Variants in STK3 observed in about 807,000 individuals in gnomAD.
The protein encoded by STK3 is serine/threonine kinase 3, also known as serine/threonine-protein kinase 3.
STK3 carries 41 observed loss-of-function variants against 58.0 expected under a neutral mutation model. The ratio of observed to expected loss-of-function variants is 0.71; its 90% CI spans 0.55 to 0.92. The LOEUF (loss-of-function observed/expected upper bound fraction) is 0.92, where lower values mean the gene tolerates loss of function less well. STK3 is among the 40% of genes least tolerant of loss of function. The pLI is 0.00. For missense variants in STK3, 479 were observed against 602.7 expected (o/e 0.79, Z 2.15); for synonymous variants, 170 against 191.0 (o/e 0.89, Z 0.91).
At chr8:98,670,750 C>T (rs1199283294) in intron 6 of STK3, among the ~76,000 whole-genome samples, 1 of 152,228 alleles carries the variant, frequency 6.6e-6, no homozygotes, top group Non-Finnish European at 1.5e-5. Flanking sequence ...CCAGATCCAG[C>T]CACACTGAGG....
intron 1 of STK3, among the ~76,000 whole-genome samples, chr8:98,809,813 T>C (rs1280542722): frequency 1.3e-5 from 2 of 152,164 alleles, no homozygotes; most frequent in African/African-American, 4.8e-5. Flanking sequence ...CACACAAATA[T>C]CTTGAGACCC....
intron 3 of STK3, among the ~76,000 whole-genome samples, chr8:98,755,164 C>T (rs989529282): frequency 1.5e-4 from 23 of 152,204 alleles, no homozygotes; most frequent in Non-Finnish European, 2.9e-4. Context: ...GCCTCACTAA[C>T]TTTAACCCAG....
At chr8:98,356,789 C>G in the STK3 span, among the ~76,000 whole-genome samples, 1 of 152,168 alleles carries the variant, frequency 6.6e-6, no homozygotes, top group African/African-American at 2.4e-5. Context: ...AACCCCACAG[C>G]TGGAGTCAAT....
In STK3 at chr8:98,432,765, T is replaced by A. The variant is rs1818355008; in HGVS notation, n.483+1362A>T. 5.4e-5 allele frequency: 9 copies of A among 167,068 alleles called. No individual in the cohort carries two copies. In the Admixed American group the frequency reaches 5.9e-4, roughly 11 times the overall value. 10.3% of individuals were successfully genotyped at this position (167,068 alleles called of 1,614,324 possible). ...TGACTTCTTACAGAGCTGTAATTTT[T>A]AAAATTGAGGATGCCATATTTGAGA... On this transcript the variant is annotated intron_variant and non_coding_transcript_variant, in intron 3 of 3. Coordinates refer to the STK3 transcript ENST00000517832.
intron 6 of STK3, among the ~76,000 whole-genome samples, chr8:98,704,787 T>G (rs1004133435): frequency 6.6e-6 from 1 of 152,190 alleles, no homozygotes; most frequent in Admixed American, 6.5e-5. Context: ...ACTATTTGGT[T>G]GGAAAAATAA....
the STK3 span, among the ~76,000 whole-genome samples, chr8:98,351,556 G>C: frequency 6.6e-6 from 1 of 152,096 alleles, no homozygotes; most frequent in Non-Finnish European, 1.5e-5. Flanking sequence ...AGGATATATA[G>C]ATGAAAGAGG....
At chr8:98,890,028 G>A (rs536734572) in intron 1 of STK3, 13 of 152,340 alleles carry the variant, frequency 8.5e-5, no homozygotes, top group Non-Finnish European at 1.2e-4. Flanking sequence ...CTCTAGTTCC[G>A]GAAGATCCAG....
intron 3 of STK3, among the ~76,000 whole-genome samples, chr8:98,405,013 C>T (rs987705810): frequency 6.6e-6 from 1 of 152,160 alleles, no homozygotes; most frequent in African/African-American, 2.4e-5. Flanking sequence ...GTCTCATTGT[C>T]CAATCATGCC....
At chr8:98,422,373 G>A (rs1178624345) in intron 3 of STK3, among the ~76,000 whole-genome samples, 1 of 151,862 alleles carries the variant, frequency 6.6e-6, no homozygotes, top group African/African-American at 2.4e-5. Context: ...CCAGGGTCTC[G>A]CTCTCCTGCC....
intron 2 of STK3, among the ~76,000 whole-genome samples, chr8:98,769,647 T>TG (rs1831172187): frequency 6.6e-6 from 1 of 152,264 alleles, no homozygotes; most frequent in Non-Finnish European, 1.5e-5. Context: ...AGTATACTGA[T>TG]GGTCTATGGC....
At chr8:98,550,639 G>C (rs1811085650) in intron 8 of STK3, among the ~76,000 whole-genome samples, 1 of 151,844 alleles carries the variant, frequency 6.6e-6, no homozygotes, top group Non-Finnish European at 1.5e-5. Context: ...ACTGCTACTG[G>C]GTATAATCCT....
chr8:98,520,579 G>A (rs1825277411), intron 10 of STK3, among the ~76,000 whole-genome samples: 1 of 151,636 alleles, frequency 6.6e-6, no homozygotes, highest in South Asian at 2.1e-4. Flanking sequence ...TTTTCCTCAA[G>A]GCAGAAGGAT....
At chr8:98,755,729 A>G (rs554129187) in intron 3 of STK3, among the ~76,000 whole-genome samples, 1 of 152,352 alleles carries the variant, frequency 6.6e-6, no homozygotes, top group African/African-American at 2.4e-5. Flanking sequence ...ACATCCTGCA[A>G]GGACTTTGTC....
rs186657130 is a variant in STK3, at chr8:98,756,031, T to G, written c.237-6641A>C. 6.7e-3 allele frequency among the ~76,000 whole-genome samples: 1,011 copies of G among 151,926 alleles called. 7 individuals carry two copies. Among genetic ancestry groups the G allele is most frequent in the African/African-American group, 0.023 (947 of 41,414 alleles). On this transcript the variant is annotated intron_variant, in intron 3 of 10. Transcript: ENST00000419617. ...GGTGGCAGGGGCCTATAATCCCAGC[T>G]ACTCAGGAGGCTGGGGCAGGAGAAT... is the stretch of plus-strand genomic sequence containing the variant.
At chr8:98,834,761 G>T (rs1219065408) in intron 3 of STK3, among the ~76,000 whole-genome samples, 1 of 152,072 alleles carries the variant, frequency 6.6e-6, no homozygotes, top group Non-Finnish European at 1.5e-5. Context: ...TCACCTTCAG[G>T]GGTAAGATAT....
At chr8:98,631,749 C>T (rs949454019) in intron 6 of STK3, among the ~76,000 whole-genome samples, 1 of 152,230 alleles carries the variant, frequency 6.6e-6, no homozygotes, top group Admixed American at 6.5e-5. Flanking sequence ...ACTGCAACCT[C>T]CGCCTCCTGG....
chr8:98,416,506 G>A (rs534243275), intron 3 of STK3, among the ~76,000 whole-genome samples: 35 of 151,796 alleles, frequency 2.3e-4, no homozygotes, highest in Middle Eastern at 6.8e-3. Context: ...AGAGAGGACC[G>A]CTCCTTCTCT....
intron 1 of STK3, among the ~76,000 whole-genome samples, chr8:98,936,312 G>A: frequency 6.6e-6 from 1 of 152,020 alleles, no homozygotes; most frequent in East Asian, 1.9e-4. Flanking sequence ...ACATAATAGA[G>A]CTATTAACTA....
chr8:98,855,120 A>G (rs575234676), intron 3 of STK3, among the ~76,000 whole-genome samples: 1 of 152,362 alleles, frequency 6.6e-6, no homozygotes, highest in South Asian at 2.1e-4. Context: ...TATAGATTCA[A>G]TGCAATTCCA....
Sources: allele counts gnomAD v4.1 joint callset (sites outside exome capture counted in the v4.1 genomes callset), GRCh38; gene constraint gnomAD v4.1.1; transcripts MANE v1.5; gene names NCBI Gene and HGNC (gene_info 2026-07-23, HGNC 2026-07-21).